Variants in SLC2A9 observed in about 807,000 individuals in gnomAD.
SLC2A9 encodes solute carrier family 2 member 9.
A neutral mutation model predicts 50.6 loss-of-function variants in SLC2A9; 39 were observed. The observed-to-expected ratio is 0.77, with a 90% CI of 0.60 to 1.01. The LOEUF is 1.01. SLC2A9 is among the 50% of genes least tolerant of loss of function. The pLI, the probability that SLC2A9 is intolerant of heterozygous loss-of-function variation, is 0.00. For missense variants in SLC2A9, 686 were observed against 677.6 expected, an observed-to-expected ratio of 1.01 and a Z score of -0.14; for synonymous variants, 324 against 276.9, an observed-to-expected ratio of 1.17 and a Z score of -1.69.
intron 3 of SLC2A9, among the ~76,000 whole-genome samples, chr4:9,789,868 C>A (rs1048399978): frequency 4.6e-5 from 7 of 152,200 alleles, no homozygotes. Context: ...CTTCTAAGAC[C>A]ATTCCTGTCC....
chr4:9,986,708 G>A (rs1756785072), intron 3 of SLC2A9, among the ~76,000 whole-genome samples: 1 of 151,690 alleles, frequency 6.6e-6, no homozygotes, highest in Admixed American at 6.6e-5. Flanking sequence ...CTAAGTGAAT[G>A]GCTGGACTAA....
Position 9,906,914 on chromosome 4 carries a change from A to G in SLC2A9, c.1113+1321T>C, listed in dbSNP as rs137880042. The stretch of plus-strand genomic sequence containing the variant: ...TTCTAATAAAAAGACCACAAAGTGG[A>G]AAGGGAAAGAGACAAAACATCATTC... On this transcript the variant is annotated intron_variant, in intron 8 of 11. Coordinates refer to ENST00000264784, the MANE Select transcript of SLC2A9 (RefSeq NM_020041.3). Among the ~76,000 whole-genome samples the G allele has an allele frequency of 3.4e-3, 523 of 152,396 alleles. 1 individual carries two copies. Among genetic ancestry groups the G allele is most frequent in the Non-Finnish European group, 5.6e-3 (381 of 68,042 alleles).
intron 2 of SLC2A9, among the ~76,000 whole-genome samples, chr4:10,017,118 CT>C (rs1762736904): frequency 6.6e-6 from 1 of 152,268 alleles, no homozygotes; most frequent in African/African-American, 2.4e-5. Flanking sequence ...TCCAGGCTGT[CT>C]TCCCTGATCC....
At chr4:9,845,175 G>A (rs1011279082) in intron 10 of SLC2A9, among the ~76,000 whole-genome samples, 2 of 151,596 alleles carry the variant, frequency 1.3e-5, no homozygotes, top group Non-Finnish European at 2.9e-5. Flanking sequence ...CACCACACAT[G>A]GATAATTTTT....
chr4:9,968,006 A>T (rs917697082), intron 5 of SLC2A9, among the ~76,000 whole-genome samples: 7 of 152,178 alleles, frequency 4.6e-5, no homozygotes, highest in Non-Finnish European at 7.4e-5. Context: ...CACCAATACA[A>T]AACTAAAAAT....
At chr4:9,797,132 C>T (rs1720686556), downstream of SLC2A9, among the ~76,000 whole-genome samples, 1 of 152,320 alleles carries the variant, frequency 6.6e-6, no homozygotes, top group South Asian at 2.1e-4. Flanking sequence ...AGAGATGAAT[C>T]ACATAGCAGC....
At chr4:10,032,395 C>T (rs1023064731) in intron 1 of SLC2A9, among the ~76,000 whole-genome samples, 1 of 152,080 alleles carries the variant, frequency 6.6e-6, no homozygotes. Flanking sequence ...TTGTCAAGGC[C>T]TGTCTTGTGA....
intron 8 of SLC2A9, among the ~76,000 whole-genome samples, chr4:9,899,121 C>A (rs894100140): frequency 1.3e-5 from 2 of 152,222 alleles, no homozygotes; most frequent in Non-Finnish European, 2.9e-5. Flanking sequence ...AATGTAAATG[C>A]TGGGGCAAGA....
At chr4:10,028,127 C>A (rs1162167716) in intron 1 of SLC2A9, among the ~76,000 whole-genome samples, 1 of 152,192 alleles carries the variant, frequency 6.6e-6, no homozygotes, top group Non-Finnish European at 1.5e-5. Flanking sequence ...CAAGCAGCCC[C>A]TTCGAGCTGC....
intron 6 of SLC2A9, among the ~76,000 whole-genome samples, chr4:9,934,042 C>T (rs193085728): frequency 6.6e-6 from 1 of 152,154 alleles, no homozygotes; most frequent in Non-Finnish European, 1.5e-5. Context: ...CCATCTGTGA[C>T]CTTAATTCCA....
In SLC2A9 at chr4:9,834,864, C is replaced by A. The variant is rs372425965; in HGVS notation, c.1419+17G>T. On this transcript the variant is annotated intron_variant, in intron 11 of 11. Transcript: ENST00000264784. ...CAAAGGGAACCCCATGGGCAAAAGA[C>A]TCCTTGTCAGTCATACCTGAATGAA... The A allele has an allele frequency of 3.1e-6, 5 of 1,614,142 alleles. No homozygotes were observed. The highest frequency in any genetic ancestry group is 4.2e-6 in the Non-Finnish European group (5 of 1,180,024).
chr4:9,803,067 G>A (rs1396910744), intron 3 of SLC2A9, among the ~76,000 whole-genome samples: 1 of 152,178 alleles, frequency 6.6e-6, no homozygotes, highest in African/African-American at 2.4e-5. Flanking sequence ...ATTGGCCTGG[G>A]AATTGGAAGG....
intron 2 of SLC2A9, among the ~76,000 whole-genome samples, chr4:10,002,460 C>T (rs955392989): frequency 6.6e-6 from 1 of 152,208 alleles, no homozygotes; most frequent in African/African-American, 2.4e-5. Flanking sequence ...TGCCAAACTT[C>T]AGGGCACAAA....
In SLC2A9 at chr4:9,826,383, G is replaced by C. The variant is rs759006844; in HGVS notation, c.*14C>G. 3 of 1,613,302 alleles carry C rather than the reference G, an allele frequency of 1.9e-6. No individual in the cohort carries two copies. The African/African-American group carries it at 4.0e-5, about 22-fold the overall frequency. ...GTTTTTGACATAATTGTCCAACGTG[G>C]AGGAGGAAACTTGTTAAGGCCTTCC... On this transcript the variant is annotated 3_prime_UTR_variant, in exon 12 of 12. Transcript: ENST00000264784.
At chr4:9,908,447 A>AGGTG (rs1741094717) in intron 7 of SLC2A9, 102 bp from the exon 8 acceptor site, 7 of 795,236 alleles carry the variant, frequency 8.8e-6, no homozygotes, top group Non-Finnish European at 1.5e-5. Flanking sequence ...GATTAAACTC[A>AGGTG]GAGTCCCAAG....
upstream of SLC2A9, chr4:10,025,799 C>T (rs1241674311): frequency 9.2e-7 from 1 of 1,085,154 alleles, no homozygotes. Context: ...TTTTCTCTGC[C>T]CAGCTTCACC....
intron 11 of SLC2A9, among the ~76,000 whole-genome samples, chr4:9,831,158 G>A (rs1726080401): frequency 6.6e-6 from 1 of 152,150 alleles, no homozygotes; most frequent in Non-Finnish European, 1.5e-5. Flanking sequence ...TGGAATAAGT[G>A]AAACAATCAA....
upstream of SLC2A9, chr4:10,025,849 C>T (rs1408715883): frequency 4.5e-6 from 7 of 1,565,812 alleles, no homozygotes; most frequent in African/African-American, 5.5e-5. Flanking sequence ...GGGGTACTAC[C>T]CCCTGGGTGA....
chr4:9,826,738 C>T, intron 11 of SLC2A9, 138 bp from the exon 12 acceptor site: 1 of 787,256 alleles, frequency 1.3e-6, no homozygotes, highest in Non-Finnish European at 2.1e-6. Context: ...GTGATGCTGG[C>T]TCAATAAGGC....
Sources: allele counts gnomAD v4.1 joint callset (sites outside exome capture counted in the v4.1 genomes callset), GRCh38; gene constraint gnomAD v4.1.1; transcripts MANE v1.5; gene names NCBI Gene and HGNC (gene_info 2026-07-23, HGNC 2026-07-21).